DGKB: variants seen among roughly 807,000 people sequenced by gnomAD.
DGKB encodes the protein diacylglycerol kinase beta.
In DGKB, 67 loss-of-function variants were observed where a neutral mutation model predicts 114.3. The ratio of observed to expected loss-of-function variants is 0.59; its 90% CI spans 0.48 to 0.72. The LOEUF (loss-of-function observed/expected upper bound fraction) is 0.72. Among genes scored for constraint, DGKB ranks in the 30% least tolerant of loss-of-function variants. The pLI is 0.00. For missense variants in DGKB, 907 were observed against 975.2 expected, an observed-to-expected ratio of 0.93 and a Z score of 0.93; for synonymous variants, 398 against 323.1, an observed-to-expected ratio of 1.23 and a Z score of -2.49.
At chr7:14,580,330 A>C (rs1240885505) in intron 19 of DGKB, among the ~76,000 whole-genome samples, 4 of 152,192 alleles carry the variant, frequency 2.6e-5, no homozygotes, top group Non-Finnish European at 5.9e-5. Context: ...AAGGTCTCAC[A>C]TATGATTTTA....
At chr7:14,261,650 G>T (rs973593761) in intron 23 of DGKB, among the ~76,000 whole-genome samples, 2 of 152,076 alleles carry the variant, frequency 1.3e-5, no homozygotes, top group African/African-American at 4.8e-5. Context: ...TATAAAATAA[G>T]ATTGAGCAGC....
intron 23 of DGKB, among the ~76,000 whole-genome samples, chr7:14,298,051 A>C (rs1802887616): frequency 2.0e-5 from 3 of 152,346 alleles, no homozygotes; most frequent in African/African-American, 7.2e-5. Context: ...CAAGGAAAGA[A>C]GAAAGAATAC....
At chr7:14,847,347 G>T (rs529726871) in intron 1 of DGKB, among the ~76,000 whole-genome samples, 2 of 151,236 alleles carry the variant, frequency 1.3e-5, no homozygotes, top group African/African-American at 4.9e-5. Context: ...GGTCTCAAAG[G>T]TCATAAACTC....
intron 21 of DGKB, among the ~76,000 whole-genome samples, chr7:14,366,628 C>T (rs529183652): frequency 1.3e-5 from 2 of 152,132 alleles, no homozygotes; most frequent in Non-Finnish European, 2.9e-5. Flanking sequence ...ATCTTTGTTT[C>T]GTAATGCAAA....
intron 4 of DGKB, among the ~76,000 whole-genome samples, chr7:14,742,861 A>C (rs1832762862): frequency 6.6e-6 from 1 of 152,238 alleles, no homozygotes; most frequent in African/African-American, 2.4e-5. Flanking sequence ...TGGAAATCCA[A>C]GTAACTTTTT....
At chr7:14,452,857 C>A (rs1831727069) in intron 21 of DGKB, among the ~76,000 whole-genome samples, 1 of 151,888 alleles carries the variant, frequency 6.6e-6, no homozygotes. Flanking sequence ...TATGGAAAAC[C>A]AAGTGTCCCA....
At chr7:14,825,016 GTATATATA>G (rs67135250) in intron 2 of DGKB, among the ~76,000 whole-genome samples, 5,451 of 92,292 alleles carry the variant, frequency 0.059, 218 homozygotes, top group African/African-American at 0.1. Flanking sequence ...GTATGTGTAT[GTATATATA>G]TATATATATA....
intron 13 of DGKB, among the ~76,000 whole-genome samples, chr7:14,659,990 T>C (rs533235159): frequency 0.013 from 1,956 of 151,368 alleles, 22 homozygotes; most frequent in Non-Finnish European, 0.021. Flanking sequence ...ATTGAGATAA[T>C]CATGTGGTTT....
At chr7:14,729,177 C>T (rs533508971) in intron 5 of DGKB, among the ~76,000 whole-genome samples, 125 of 137,104 alleles carry the variant, frequency 9.1e-4, no homozygotes, top group Admixed American at 1.8e-3. Flanking sequence ...GGCTGGAGTG[C>T]AGTGGCGCCA....
chr7:14,559,636 A>G (rs1796359767), intron 20 of DGKB, among the ~76,000 whole-genome samples: 1 of 152,188 alleles, frequency 6.6e-6, no homozygotes. Context: ...TTTTTGTTAC[A>G]TCATGAATTT....
intron 14 of DGKB, among the ~76,000 whole-genome samples, chr7:14,629,139 A>C (rs897691570): frequency 6.6e-6 from 1 of 151,990 alleles, no homozygotes; most frequent in African/African-American, 2.4e-5. Context: ...TGAGGATGCA[A>C]AATTAATTCT....
chr7:14,772,944 C>G (rs1401818794), intron 2 of DGKB, among the ~76,000 whole-genome samples: 18 of 148,046 alleles, frequency 1.2e-4, no homozygotes, highest in Non-Finnish European at 1.5e-5. Flanking sequence ...TCTCTTTTCA[C>G]CGCTGTACCT....
At chr7:14,824,729 T>A (rs1375076501) in intron 2 of DGKB, among the ~76,000 whole-genome samples, 1 of 151,964 alleles carries the variant, frequency 6.6e-6, no homozygotes, top group East Asian at 1.9e-4. Flanking sequence ...ACATTTACCC[T>A]TTTAAAAATT....
At chr7:14,973,871 T>A (rs1787641893) in intron 1 of DGKB, among the ~76,000 whole-genome samples, 1 of 147,904 alleles carries the variant, frequency 6.8e-6, no homozygotes, top group Admixed American at 6.8e-5. Context: ...TAATAATAAA[T>A]TTAAGATACT....
intron 23 of DGKB, among the ~76,000 whole-genome samples, chr7:14,213,441 T>C (rs1788459869): frequency 6.6e-6 from 1 of 152,158 alleles, no homozygotes; most frequent in Admixed American, 6.6e-5. Context: ...TCTGTATGTC[T>C]GGGAAGCAAA....
upstream of DGKB, chr7:14,903,211 C>CGGTGTGTGTGTG (rs1783389103): frequency 1.2e-5 from 1 of 82,366 alleles, no homozygotes; most frequent in African/African-American, 4.9e-5. Context: ...GAAGTCTGTG[C>CGGTGTGTGTGTG]AGTGTGTGTG....
Position 14,574,000 on chromosome 7 carries a change from T to C in DGKB, c.1770+212A>G, listed in dbSNP as rs567705237. On this transcript the variant is annotated intron_variant, in intron 20 of 25. Transcript: ENST00000402815. ...TCCTTTGCTTAAGACATGAAAAATA[T>C]GTCAATTGCTGATACTCTGACTTCA... Among the ~76,000 whole-genome samples, 7 of 152,250 alleles carry C rather than the reference T, an allele frequency of 4.6e-5. 1 individual carries two copies. The South Asian group carries it at 8.3e-4, about 18-fold the overall frequency.
At chr7:14,154,693 AAAC>A (rs978157870) in intron 25 of DGKB, among the ~76,000 whole-genome samples, 3 of 151,900 alleles carry the variant, frequency 2.0e-5, no homozygotes, top group African/African-American at 7.2e-5. Flanking sequence ...CATAAAAAAA[AAAC>A]AAACAAACAA....
At chr7:14,888,302 A>G (rs1780634725) in intron 1 of DGKB, among the ~76,000 whole-genome samples, 2 of 151,678 alleles carry the variant, frequency 1.3e-5, no homozygotes. Flanking sequence ...TATTCTAAAC[A>G]CACGGGTTCT....
Sources: allele counts gnomAD v4.1 joint callset (sites outside exome capture counted in the v4.1 genomes callset), GRCh38; gene constraint gnomAD v4.1.1; transcripts MANE v1.5; gene names NCBI Gene and HGNC (gene_info 2026-07-23, HGNC 2026-07-21).